DLG5: variants seen among roughly 807,000 people sequenced by gnomAD.
The protein encoded by DLG5 is disks large homolog 5.
In DLG5, 48 loss-of-function variants were observed where a neutral mutation model predicts 189.8. The ratio of observed to expected loss-of-function variants is 0.25; its 90% CI spans 0.20 to 0.32. DLG5 has a LOEUF of 0.32. Among genes scored for constraint, DLG5 ranks in the 10% least tolerant of loss-of-function variants. DLG5 has a pLI of 1.00. For missense variants in DLG5, 2,160 were observed against 2,544.7 expected, an observed-to-expected ratio of 0.85 and a Z score of 3.25; for synonymous variants, 1,016 against 1,054.1, an observed-to-expected ratio of 0.96 and a Z score of 0.70.
intron 27 of DLG5, among the ~76,000 whole-genome samples, chr10:77,797,138 C>T (rs1035550654): frequency 6.6e-6 from 1 of 152,234 alleles, no homozygotes; most frequent in African/African-American, 2.4e-5. Flanking sequence ...CCTCAGAACG[C>T]AATGCCTCTC....
chr10:77,859,369 A>G (rs1844383195), intron 2 of DLG5, among the ~76,000 whole-genome samples: 1 of 152,222 alleles, frequency 6.6e-6, no homozygotes, highest in African/African-American at 2.4e-5. Flanking sequence ...GTCATGTTTT[A>G]GGCCCTCACA....
At chr10:77,807,417 CA>C (rs1841531443) in intron 25 of DLG5, among the ~76,000 whole-genome samples, 1 of 152,192 alleles carries the variant, frequency 6.6e-6, no homozygotes, top group Non-Finnish European at 1.5e-5. Flanking sequence ...TAAATGCCCA[CA>C]GCATTTCATA....
Position 77,790,960 on chromosome 10 carries a change from G to A in DLG5, c.*1480C>T, listed in dbSNP as rs191196826. 12 of 152,398 alleles carry A rather than the reference G, an allele frequency of 7.9e-5. No homozygotes were observed. The highest frequency in any genetic ancestry group is 1.5e-4 in the Non-Finnish European group (10 of 68,036). The allele number at this position is 152,398 out of a possible 1,614,324, so 9.4% of individuals were successfully genotyped here. A position where few individuals can be genotyped will look rare whatever the true frequency, so the allele number is the denominator to read the frequency against. On this transcript the variant is annotated 3_prime_UTR_variant, in exon 32 of 32. Coordinates refer to ENST00000372391, the MANE Select transcript of DLG5 (RefSeq NM_004747.4). Reference sequence around the variant, plus strand: ...TTAGAAAACAGCCCCTACCCCCAGAGGGTCTGCGAGTTAATACCTTGAGAA... The same window carrying A: ...TTAGAAAACAGCCCCTACCCCCAGAAGGTCTGCGAGTTAATACCTTGAGAA...
At chr10:77,798,056 G>A (rs1043771027) in intron 27 of DLG5, among the ~76,000 whole-genome samples, 5 of 151,926 alleles carry the variant, frequency 3.3e-5, no homozygotes, top group Non-Finnish European at 5.9e-5. Context: ...GTGTGCTGGC[G>A]CACACCTGTA....
chr10:77,901,842 A>C (rs1233857013), intron 1 of DLG5, among the ~76,000 whole-genome samples: 1 of 152,152 alleles, frequency 6.6e-6, no homozygotes, highest in Admixed American at 6.5e-5. Context: ...GTCCTGACCC[A>C]CTTCTCCCTG....
At chr10:77,931,904 T>C in the DLG5 span, among the ~76,000 whole-genome samples, 1 of 152,104 alleles carries the variant, frequency 6.6e-6, no homozygotes, top group African/African-American at 2.4e-5. Flanking sequence ...TATCACCCTT[T>C]GGTAGGGTTA....
Position 77,821,802 on chromosome 10 carries a change from G to T in DLG5, c.2682C>A (p.Ser894=). 6.2e-7 allele frequency: 1 copy of T among 1,612,606 alleles called. No individual in the cohort carries two copies. Among genetic ancestry groups the T allele is most frequent in the Non-Finnish European group, 8.5e-7 (1 of 1,179,442 alleles). ...CPSASERSLS[S]FRSDASGDRG... is the part of the protein sequence containing the mutation. ...GGTCCCCAGAGGCATCTGAGCGGAA[G>T]GAGCTCAGGCTACGCTCAGAGGCAC... Residue 894 remains serine, a synonymous_variant, in exon 15 of 32, where the codon TCC becomes TCA. Transcript: ENST00000372391.
chr10:77,859,206 T>C (rs1844377285), intron 2 of DLG5, among the ~76,000 whole-genome samples: 1 of 152,184 alleles, frequency 6.6e-6, no homozygotes, highest in Non-Finnish European at 1.5e-5. Flanking sequence ...CTAAGTGTTA[T>C]TACAAAACAG....
chr10:77,906,070 C>A (rs976537472), intron 1 of DLG5, among the ~76,000 whole-genome samples: 1 of 152,206 alleles, frequency 6.6e-6, no homozygotes, highest in Non-Finnish European at 1.5e-5. Flanking sequence ...AATGGACATC[C>A]AGCTCTACCT....
At chr10:77,856,661 G>C in intron 3 of DLG5, 69 bp downstream of exon 3, 1 of 1,568,822 alleles carries the variant, frequency 6.4e-7, no homozygotes, top group Non-Finnish European at 8.7e-7. Context: ...GTTTGGGGGT[G>C]ACAGCACCAG....
Position 77,857,625 on chromosome 10 carries a change from C to A in DLG5, c.374-733G>T, listed in dbSNP as rs1844298841. ...TGAGTGTCCTACAGGGAGCCCCACA[C>A]CTTATGCTCCTAGCAGGCAACAGCC... On this transcript the variant is annotated intron_variant, in intron 2 of 31. Coordinates refer to ENST00000372391, the MANE Select transcript of DLG5 (RefSeq NM_004747.4). Among the ~76,000 whole-genome samples, 3 of 152,226 alleles carry A rather than the reference C, an allele frequency of 2.0e-5. No individual in the cohort carries two copies. The South Asian group carries it at 6.2e-4, about 31-fold the overall frequency.
chr10:77,809,565 T>C lies in DLG5; in HGVS notation c.4629A>G (p.Pro1543=), dbSNP rs1182215343. 1 of 1,613,646 alleles carries C rather than the reference T, an allele frequency of 6.2e-7. No individual in the cohort carries two copies. The highest frequency in any genetic ancestry group is 8.5e-7 in the Non-Finnish European group (1 of 1,179,772). The stretch of plus-strand genomic sequence containing the variant: ...AACTCACCTCCAGGATGAGGTCCCC[T>C]GGCACGAGGCCGTCAGGACCCTTGG... ...SPAKGPDGLV[P]GDLILEYGSL... Residue 1543 remains proline (P), a synonymous_variant, in exon 24 of 32, where the codon CCA becomes CCG. Transcript: ENST00000372391.
At chr10:77,839,547 C>T (rs1236283664) in intron 7 of DLG5, among the ~76,000 whole-genome samples, 3 of 152,128 alleles carry the variant, frequency 2.0e-5, no homozygotes, top group Non-Finnish European at 4.4e-5. Context: ...TCCATCCACA[C>T]GGGCTCGCTG....
intron 1 of DLG5, among the ~76,000 whole-genome samples, chr10:77,883,215 T>C (rs941388365): frequency 1.3e-5 from 2 of 152,138 alleles, no homozygotes; most frequent in African/African-American, 4.8e-5. Context: ...AGTTAGGATG[T>C]TCCCACAAGA....
intron 1 of DLG5, among the ~76,000 whole-genome samples, chr10:77,908,266 C>T (rs142189524): frequency 2.8e-4 from 43 of 152,286 alleles, no homozygotes; most frequent in African/African-American, 9.9e-4. Flanking sequence ...GCTGGCTTTC[C>T]AATCCTCCTA....
chr10:77,863,400 A>G (rs951549863), intron 2 of DLG5, among the ~76,000 whole-genome samples: 2 of 152,104 alleles, frequency 1.3e-5, no homozygotes, highest in Non-Finnish European at 2.9e-5. Context: ...CACCTAGCCT[A>G]TTTTTTTAAG....
In DLG5 at chr10:77,817,090, G is replaced by T; in HGVS notation, c.3791C>A (p.Ser1264Ter). 1 of 1,614,158 alleles carries T rather than the reference G, an allele frequency of 6.2e-7. No individual in the cohort carries two copies. ...SLPSSARLGS[S>*]SNLQFKAERI... Reference sequence around the variant, plus strand: ...TTCCGCCTTGAACTGCAAGTTACTCGAAGAACCTATTGTTCCATAAGGGAA... The same window carrying T: ...TTCCGCCTTGAACTGCAAGTTACTCTAAGAACCTATTGTTCCATAAGGGAA... Residue 1264 changes from serine to a stop codon, truncating the protein, a stop_gained, in exon 19 of 32, where the codon TCG (serine) becomes TAG (stop). Transcript: ENST00000372391. LOFTEE classifies it high-confidence loss of function.
intron 5 of DLG5, among the ~76,000 whole-genome samples, chr10:77,844,476 G>C (rs1843586622): frequency 6.6e-6 from 1 of 152,174 alleles, no homozygotes; most frequent in Admixed American, 6.5e-5. Context: ...ACATAGCCCA[G>C]AATCAGGTTA....
intron 1 of DLG5, among the ~76,000 whole-genome samples, chr10:77,876,373 C>CT (rs60644218): frequency 0.032 from 4,367 of 134,864 alleles, 211 homozygotes; most frequent in African/African-American, 0.099. Context: ...CCCCATCTCT[C>CT]TTTTTTTTTT....
Sources: allele counts gnomAD v4.1 joint callset (sites outside exome capture counted in the v4.1 genomes callset), GRCh38; gene constraint gnomAD v4.1.1; transcripts MANE v1.5; gene names NCBI Gene and HGNC (gene_info 2026-07-23, HGNC 2026-07-21).